Variants in ZNF804A observed in about 807,000 individuals in gnomAD.
The protein encoded by ZNF804A is zinc finger protein 804A.
Under a neutral mutation model 16.5 loss-of-function variants are expected in ZNF804A, and 2 were observed. That is an observed-to-expected ratio of 0.12 (90% CI 0.05 to 0.38). The LOEUF (loss-of-function observed/expected upper bound fraction) is 0.38, where lower values mean the gene tolerates loss of function less well. ZNF804A is among the 10% of genes least tolerant of loss of function. The probability of loss-of-function intolerance (pLI) is 0.99; values close to 1 mark genes in which losing one functional copy is unlikely to be tolerated. For synonymous variants in ZNF804A, 534 were observed against 489.6 expected (o/e 1.09, Z -1.20); for missense variants, 1,473 against 1,390.7 (o/e 1.06, Z -0.94).
intron 1 of ZNF804A, among the ~76,000 whole-genome samples, chr2:184,633,009 C>T (rs904702451): frequency 7.2e-5 from 11 of 152,126 alleles, no homozygotes; most frequent in African/African-American, 2.2e-4. Flanking sequence ...TACCCAGCTT[C>T]GGCTTTGCTT....
At chr2:184,712,096 A>G (rs994619879) in intron 1 of ZNF804A, among the ~76,000 whole-genome samples, 3 of 151,708 alleles carry the variant, frequency 2.0e-5, no homozygotes, top group Non-Finnish European at 3.0e-5. Flanking sequence ...CAGTCCACAA[A>G]CATGGGATGT....
chr2:184,865,431 A>T (rs558540099), intron 1 of ZNF804A, among the ~76,000 whole-genome samples: 4 of 152,148 alleles, frequency 2.6e-5, no homozygotes, highest in African/African-American at 9.6e-5. Flanking sequence ...CACTTATGGC[A>T]GAAGGAGAAG....
rs912283011 is a variant in ZNF804A at position 184,605,735 on chromosome 2, A to G, written c.111+6665A>G. ...ATGTAAGGGACTTGAGAATCTGTAG[A>G]TTTTGATATATATCCTAGGGGGATC... On this transcript the variant is annotated intron_variant, in intron 1 of 3. Coordinates refer to ENST00000302277, the MANE Select transcript of ZNF804A (RefSeq NM_194250.2). Among the ~76,000 whole-genome samples, 10 of 152,198 alleles carry G rather than the reference A, an allele frequency of 6.6e-5. No individual in the cohort carries two copies. In the South Asian group the frequency reaches 1.5e-3, roughly 22 times the overall value.
intron 1 of ZNF804A, among the ~76,000 whole-genome samples, chr2:184,785,218 G>C (rs147832657): frequency 4.7e-4 from 71 of 151,762 alleles, no homozygotes; most frequent in African/African-American, 1.7e-3. Flanking sequence ...AAGTTCATCA[G>C]GAATATAATT....
At chr2:184,866,908 A>G (rs1695885838) in intron 2 of ZNF804A, among the ~76,000 whole-genome samples, 1 of 150,880 alleles carries the variant, frequency 6.6e-6, no homozygotes, top group Non-Finnish European at 1.5e-5. Context: ...ATATATACAT[A>G]TATTTATCAA....
intron 1 of ZNF804A, among the ~76,000 whole-genome samples, chr2:184,624,688 C>T (rs1256351025): frequency 6.6e-6 from 1 of 152,098 alleles, no homozygotes; most frequent in Non-Finnish European, 1.5e-5. Context: ...CTGTGAGGGT[C>T]AACTATACCT....
At chr2:184,927,714 A>T (rs1377962751) in intron 2 of ZNF804A, among the ~76,000 whole-genome samples, 1 of 151,968 alleles carries the variant, frequency 6.6e-6, no homozygotes, top group East Asian at 1.9e-4. Context: ...CTTCCCATTT[A>T]TGCCTCCCAT....
intron 1 of ZNF804A, among the ~76,000 whole-genome samples, chr2:184,854,951 T>A (rs1008621317): frequency 1.3e-5 from 2 of 151,950 alleles, no homozygotes; most frequent in Middle Eastern, 3.4e-3. Flanking sequence ...GACATTAATT[T>A]AAAAAAAATG....
intron 2 of ZNF804A, among the ~76,000 whole-genome samples, chr2:184,918,151 G>A (rs145874718): frequency 1.1e-4 from 16 of 152,200 alleles, no homozygotes; most frequent in Non-Finnish European, 2.1e-4. Context: ...TTGTGCAGTA[G>A]CAGTCCAATT....
intron 1 of ZNF804A, among the ~76,000 whole-genome samples, chr2:184,836,510 A>T (rs976446756): frequency 6.6e-6 from 1 of 152,100 alleles, no homozygotes; most frequent in Admixed American, 6.6e-5. Flanking sequence ...ATTCTACAGA[A>T]CTTTTCAAAC....
At chr2:184,602,520 T>A (rs1303010403) in intron 1 of ZNF804A, among the ~76,000 whole-genome samples, 1 of 152,038 alleles carries the variant, frequency 6.6e-6, no homozygotes, top group Non-Finnish European at 1.5e-5. Context: ...AGACATTTGG[T>A]ACATCCTTTT....
rs1685597323 is a variant in ZNF804A, at chr2:184,925,594, G to A, written c.256-8009G>A. Among the ~76,000 whole-genome samples the A allele has an allele frequency of 2.0e-5, 3 of 151,418 alleles. No individual in the cohort carries two copies. In the South Asian group the frequency reaches 6.2e-4, roughly 32 times the overall value. ...GCTGCCATTTTGTTAGTTGTTTTCT[G>A]GTTTTGTTGTAGTCTTCTCTTTCTT... is the stretch of plus-strand genomic sequence containing the variant. On this transcript the variant is annotated intron_variant, in intron 2 of 3. Coordinates refer to ENST00000302277, the MANE Select transcript of ZNF804A (RefSeq NM_194250.2).
chr2:184,737,125 C>A lies in ZNF804A; in HGVS notation c.112-129244C>A, dbSNP rs189063167. ...AGGCTGGAGTGTAGTGGCGCGATCTCGGCTCACTGCAAGCTCCACCTCCTG... is the reference window on the plus strand; with the variant it reads ...AGGCTGGAGTGTAGTGGCGCGATCTAGGCTCACTGCAAGCTCCACCTCCTG... On this transcript the variant is annotated intron_variant, in intron 1 of 3. Transcript: ENST00000302277. Among the ~76,000 whole-genome samples the A allele has an allele frequency of 4.0e-3, 607 of 151,338 alleles. 2 individuals are homozygous for A. The highest frequency in any genetic ancestry group is 7.1e-3 in the Non-Finnish European group (481 of 67,842).
intron 1 of ZNF804A, among the ~76,000 whole-genome samples, chr2:184,785,383 A>G (rs1694431937): frequency 2.0e-5 from 3 of 152,038 alleles, no homozygotes; most frequent in Non-Finnish European, 2.9e-5. Context: ...ATAAAATCCA[A>G]CCACACGTTT....
intron 1 of ZNF804A, among the ~76,000 whole-genome samples, chr2:184,688,731 A>G (rs117238895): frequency 6.6e-6 from 1 of 152,182 alleles, no homozygotes; most frequent in African/African-American, 2.4e-5. Flanking sequence ...GGAAATAACA[A>G]TGTTTCTTTG....
intron 1 of ZNF804A, among the ~76,000 whole-genome samples, chr2:184,626,651 G>C (rs1191764787): frequency 6.6e-6 from 1 of 152,018 alleles, no homozygotes; most frequent in East Asian, 1.9e-4. Context: ...GAAATGATAT[G>C]TCTTTATGGC....
At chr2:184,784,534 A>G (rs1167238277) in intron 1 of ZNF804A, among the ~76,000 whole-genome samples, 2 of 151,916 alleles carry the variant, frequency 1.3e-5, no homozygotes, top group Non-Finnish European at 2.9e-5. Flanking sequence ...ACTTTAAGTA[A>G]CTGAAACTGC....
chr2:184,685,463 C>A (rs898254780), intron 1 of ZNF804A, among the ~76,000 whole-genome samples: 2 of 152,046 alleles, frequency 1.3e-5, no homozygotes, highest in African/African-American at 2.4e-5. Context: ...TTCAGTCCCC[C>A]CTTTTGTAGG....
At chr2:184,684,209 A>G (rs1574161454) in intron 1 of ZNF804A, among the ~76,000 whole-genome samples, 2 of 152,192 alleles carry the variant, frequency 1.3e-5, no homozygotes, top group East Asian at 3.8e-4. Flanking sequence ...TTCCAGGAAG[A>G]CAGAAAAATA....
Sources: allele counts gnomAD v4.1 joint callset (sites outside exome capture counted in the v4.1 genomes callset), GRCh38; gene constraint gnomAD v4.1.1; transcripts MANE v1.5; gene names NCBI Gene and HGNC (gene_info 2026-07-23, HGNC 2026-07-21).